Variants in ANKRD26 observed in about 807,000 individuals in gnomAD.
ANKRD26 encodes ankyrin repeat domain-containing protein 26.
Under a neutral mutation model 208.7 loss-of-function variants are expected in ANKRD26, and 141 were observed. The observed-to-expected ratio is 0.68, with a 90% CI of 0.59 to 0.78. The LOEUF is 0.78. Ranked by LOEUF, ANKRD26 falls within the 30% of genes least tolerant of loss-of-function variation. ANKRD26 has a pLI of 0.00. For synonymous variants in ANKRD26, 636 were observed against 660.4 expected (o/e 0.96, Z 0.57); for missense variants, 1,889 against 1,938.7 (o/e 0.97, Z 0.48).
intron 10 of ANKRD26, among the ~76,000 whole-genome samples, chr10:27,066,940 G>A (rs977640730): frequency 3.3e-5 from 5 of 151,852 alleles, no homozygotes; most frequent in African/African-American, 1.2e-4. Context: ...CCGAGTACCT[G>A]GGATTATAGG....
chr10:27,071,986 C>T (rs1255718674), intron 9 of ANKRD26, among the ~76,000 whole-genome samples: 2 of 152,190 alleles, frequency 1.3e-5, no homozygotes, highest in Non-Finnish European at 1.5e-5. Context: ...ACCCAGGCTG[C>T]CATCACAGGT....
At chr10:27,071,241 C>T (rs111572173) in intron 9 of ANKRD26, among the ~76,000 whole-genome samples, 1,608 of 146,256 alleles carry the variant, frequency 0.011, 27 homozygotes, top group African/African-American at 0.039. Flanking sequence ...TCTCGGCTCA[C>T]TGCAAGCTCT....
At chr10:27,096,928 TC>T (rs1333550916) in intron 1 of ANKRD26, among the ~76,000 whole-genome samples, 1 of 152,086 alleles carries the variant, frequency 6.6e-6, no homozygotes, top group Non-Finnish European at 1.5e-5. Context: ...ACGCCTGTAA[TC>T]CCAACACTTT....
exon 6 of ANKRD26, among the ~76,000 whole-genome samples, chr10:26,975,858 T>TA (rs1283066432): frequency 6.6e-6 from 1 of 150,834 alleles, no homozygotes; most frequent in Non-Finnish European, 1.5e-5. Flanking sequence ...AATAAATAAA[T>TA]AATAAATAAA....
chr10:27,066,649 T>C, intron 10 of ANKRD26, 101 bp from the exon 11 acceptor site: 1 of 720,922 alleles, frequency 1.4e-6, no homozygotes, highest in Non-Finnish European at 2.2e-6. Context: ...CATTCATGAA[T>C]ATTTCAATAA....
intron 32 of ANKRD26, among the ~76,000 whole-genome samples, chr10:27,007,677 A>T (rs2052940342): frequency 6.6e-6 from 1 of 152,118 alleles, no homozygotes; most frequent in Non-Finnish European, 1.5e-5. Context: ...CAAAAAAACC[A>T]CTTTCCATTG....
chr10:27,048,942 A>G lies in ANKRD26; in HGVS notation c.1673T>C (p.Met558Thr). 6.2e-7 allele frequency: 1 copy of G among 1,608,162 alleles called. No homozygotes were observed. Among genetic ancestry groups the G allele is most frequent in the Non-Finnish European group, 8.5e-7 (1 of 1,176,780 alleles). Reference sequence around the variant, plus strand: ...ATCATGTATGTTTGCTGATACTTCCATTTCATTATTTCTGTGTTTTTTCCT... The same window carrying G: ...ATCATGTATGTTTGCTGATACTTCCGTTTCATTATTTCTGTGTTTTTTCCT... ...EERKKHRNNE[M>T]EVSANIHDGA... is the part of the protein sequence containing the mutation. Residue 558 changes from methionine to threonine, a missense_variant, in exon 17 of 34, where the codon ATG becomes ACG. Met to Thr is a moderately conservative substitution (Grantham distance 81). This residue lies in a region of ANKRD26 where 1,272 missense variants were observed against 1,273.8 expected (regional missense o/e 1.00). Transcript: ENST00000376087.
chr10:27,059,727 A>G (rs2054979126), intron 15 of ANKRD26, among the ~76,000 whole-genome samples: 1 of 151,792 alleles, frequency 6.6e-6, no homozygotes, highest in Non-Finnish European at 1.5e-5. Context: ...CCTGGCCAAC[A>G]TGGTGAAACC....
intron 4 of ANKRD26, among the ~76,000 whole-genome samples, chr10:27,090,982 GC>G (rs1447321539): frequency 6.6e-6 from 1 of 152,138 alleles, no homozygotes; most frequent in Non-Finnish European, 1.5e-5. Context: ...TGTAGTCCCA[GC>G]TACTCAGGAG....
intron 9 of ANKRD26, chr10:27,077,111 C>A: frequency 1.8e-6 from 1 of 550,728 alleles, no homozygotes; most frequent in Non-Finnish European, 3.2e-6. Flanking sequence ...AAAATACTAG[C>A]AAACCGAATC....
intron 5 of ANKRD26, among the ~76,000 whole-genome samples, chr10:26,992,933 G>A (rs2052516025): frequency 6.6e-6 from 1 of 152,166 alleles, no homozygotes; most frequent in African/African-American, 2.4e-5. Context: ...GCTGCTGTGA[G>A]TATATCTAAG....
At chr10:26,989,669 G>T (rs1213357754), downstream of ANKRD26, among the ~76,000 whole-genome samples, 2 of 152,154 alleles carry the variant, frequency 1.3e-5, no homozygotes, top group Non-Finnish European at 1.5e-5. Flanking sequence ...ATCATGAGGG[G>T]TGTCCTTGCA....
rs193171312 is a variant in ANKRD26 at position 27,018,695 on chromosome 10, G to T, written c.4216-903C>A. Among the ~76,000 whole-genome samples, 340 of 152,232 alleles carry T rather than the reference G, an allele frequency of 2.2e-3. 1 individual carries two copies. Among genetic ancestry groups the T allele is most frequent in the African/African-American group, 7.5e-3 (313 of 41,548 alleles). Reference sequence around the variant, plus strand: ...CTAGAAATAAATTCGTGTATTTACAGCCAACTGATTTTAAACAGATGCTAA... The same window carrying T: ...CTAGAAATAAATTCGTGTATTTACATCCAACTGATTTTAAACAGATGCTAA... On this transcript the variant is annotated intron_variant, in intron 29 of 33. Coordinates refer to ENST00000376087, the MANE Select transcript of ANKRD26 (RefSeq NM_014915.3).
chr10:26,951,013 CTTTTTCTT>C, the ANKRD26 span, among the ~76,000 whole-genome samples: 6 of 100,974 alleles, frequency 5.9e-5, 1 homozygote, highest in South Asian at 7.3e-4. Context: ...CTTTTCTTTT[CTTTTTCTT>C]TTTTTTTTTT....
intron 10 of ANKRD26, among the ~76,000 whole-genome samples, chr10:27,066,872 A>G (rs2055269379): frequency 6.6e-6 from 1 of 152,018 alleles, no homozygotes; most frequent in African/African-American, 2.4e-5. Context: ...CAGTGGCGCA[A>G]TCTCAGCCCA....
intron 12 of ANKRD26, 88 bp from the exon 13 acceptor site, chr10:27,061,330 C>T (rs2055047966): frequency 1.2e-6 from 1 of 807,986 alleles, no homozygotes; most frequent in Non-Finnish European, 2.0e-6. Flanking sequence ...ATATTAATAA[C>T]ATTTTATATT....
chr10:26,952,646 A>G, the ANKRD26 span, among the ~76,000 whole-genome samples: 1 of 152,220 alleles, frequency 6.6e-6, no homozygotes, highest in African/African-American at 2.4e-5. Context: ...ATAATAATAA[A>G]ATAAAACAAA....
Position 27,060,409 on chromosome 10 carries a change from A to C in ANKRD26, c.1500T>G (p.Ile500Met). 1 of 1,612,366 alleles carries C rather than the reference A, an allele frequency of 6.2e-7. No individual in the cohort carries two copies. Among genetic ancestry groups the C allele is most frequent in the South Asian group, 1.1e-5 (1 of 90,998 alleles). Residue 500 changes from isoleucine (I) to methionine (M), a missense_variant, in exon 15 of 34, where the codon ATT becomes ATG. Physicochemically the swap from Ile to Met is conservative, Grantham distance 10. This residue lies in a region of ANKRD26 where 1,272 missense variants were observed against 1,273.8 expected (regional missense o/e 1.00). Transcript: ENST00000376087. ...PERYLHLKPT[I>M]EMKDSVPNKA... ...TATTTGGAACAGAATCTTTCATTTC[A>C]ATGGTAGGCTGAATGGGTTTTGAAA...
downstream of ANKRD26, among the ~76,000 whole-genome samples, chr10:26,973,432 T>C (rs1178690066): frequency 6.6e-6 from 1 of 151,840 alleles, no homozygotes; most frequent in Non-Finnish European, 1.5e-5. Flanking sequence ...GATTAATATT[T>C]GCTATTTGCC....
Sources: gnomAD v4.1 joint callset for allele counts (sites outside exome capture counted in the v4.1 genomes callset) on GRCh38, gnomAD v4.1.1 for gene constraint, gnomAD v4.1.1 regional missense constraint, MANE v1.5 for transcripts, NCBI Gene and HGNC (gene_info 2026-07-23, HGNC 2026-07-21) for gene names.